RBFOX1: variants seen among roughly 807,000 people sequenced by gnomAD.
RBFOX1 encodes RNA binding protein fox-1 homolog 1.
In RBFOX1, 8 loss-of-function variants were observed where a neutral mutation model predicts 57.7. The ratio of observed to expected loss-of-function variants is 0.14; its 90% confidence interval spans 0.08 to 0.25. The LOEUF is 0.25. Ranked by LOEUF, RBFOX1 falls within the 10% of genes least tolerant of loss-of-function variation. The pLI is 1.00. For missense variants in RBFOX1, 611 were observed against 548.5 expected (o/e 1.11, Z -1.14); for synonymous variants, 326 against 222.4 (o/e 1.47, Z -4.15).
At chr16:7,089,144 G>A (rs1486275116) in intron 4 of RBFOX1, among the ~76,000 whole-genome samples, 1 of 152,108 alleles carries the variant, frequency 6.6e-6, no homozygotes, top group Admixed American at 6.5e-5. Flanking sequence ...ACCCGGTTTA[G>A]TTTTGCACAA....
At chr16:7,298,285 G>GTTTTTTTTTTTTTTTTTT (rs201092743) in intron 4 of RBFOX1, among the ~76,000 whole-genome samples, 22 of 96,582 alleles carry the variant, frequency 2.3e-4, no homozygotes, top group African/African-American at 5.6e-4. Flanking sequence ...GTTTTTTTTT[G>GTTTTTTTTTTTTTTTTTT]TTTTTTTTTT....
intron 3 of RBFOX1, among the ~76,000 whole-genome samples, chr16:6,941,646 T>G (rs907462515): frequency 1.1e-4 from 17 of 151,878 alleles, no homozygotes; most frequent in African/African-American, 4.1e-4. Context: ...ATTATAAGAA[T>G]GGGTTTATCT....
chr16:5,980,859 C>T (rs1030862976), intron 4 of RBFOX1, among the ~76,000 whole-genome samples: 3 of 147,494 alleles, frequency 2.0e-5, no homozygotes, highest in Non-Finnish European at 4.5e-5. Flanking sequence ...GCAACGCTGT[C>T]GTCCTGCCAT....
intron 4 of RBFOX1, among the ~76,000 whole-genome samples, chr16:5,888,764 T>C (rs955788530): frequency 1.5e-5 from 2 of 132,706 alleles, no homozygotes; most frequent in Non-Finnish European, 3.1e-5. Context: ...GCCACTGCAC[T>C]CCAATCTGGG....
chr16:5,729,986 T>C (rs2151557794), intron 3 of RBFOX1, among the ~76,000 whole-genome samples: 1 of 152,324 alleles, frequency 6.6e-6, no homozygotes, highest in Admixed American at 6.5e-5. Context: ...GCTTTGCCTC[T>C]GGTCCATGCC....
intron 3 of RBFOX1, among the ~76,000 whole-genome samples, chr16:6,786,550 A>G (rs1028002368): frequency 3.3e-5 from 5 of 152,304 alleles, no homozygotes; most frequent in Non-Finnish European, 5.9e-5. Context: ...TGGAAAGGAA[A>G]CAGTAAGCCA....
At chr16:7,370,955 C>G (rs932050846) in intron 4 of RBFOX1, among the ~76,000 whole-genome samples, 5 of 152,162 alleles carry the variant, frequency 3.3e-5, no homozygotes, top group Non-Finnish European at 7.3e-5. Context: ...ATGGTGACCC[C>G]AGAAGCAAAG....
intron 11 of RBFOX1, among the ~76,000 whole-genome samples, chr16:7,631,880 G>T (rs759542250): frequency 1.3e-5 from 2 of 152,178 alleles, no homozygotes; most frequent in African/African-American, 4.8e-5. Flanking sequence ...AGGGTCTGAA[G>T]TCTTCAGGAG....
At chr16:5,381,285 T>C (rs1318686401) in intron 1 of RBFOX1, among the ~76,000 whole-genome samples, 1 of 152,246 alleles carries the variant, frequency 6.6e-6, no homozygotes, top group African/African-American at 2.4e-5. Context: ...CGAGTCTGAA[T>C]TTTATCCTAG....
chr16:7,305,107 G>A (rs1458204762), intron 4 of RBFOX1, among the ~76,000 whole-genome samples: 4 of 151,648 alleles, frequency 2.6e-5, no homozygotes, highest in Non-Finnish European at 5.9e-5. Context: ...TTGTTGGCAT[G>A]TGTTAGGGTG....
chr16:5,342,535 A>G (rs2065054360), intron 1 of RBFOX1, among the ~76,000 whole-genome samples: 1 of 152,182 alleles, frequency 6.6e-6, no homozygotes, highest in Admixed American at 6.5e-5. Context: ...AAGTTCCTGC[A>G]ATGTAGAAAT....
At chr16:7,090,484 T>G (rs1227106425) in intron 4 of RBFOX1, among the ~76,000 whole-genome samples, 2 of 152,172 alleles carry the variant, frequency 1.3e-5, no homozygotes, top group Non-Finnish European at 2.9e-5. Flanking sequence ...ATCGTATCAA[T>G]TAAAAATAGT....
intron 1 of RBFOX1, among the ~76,000 whole-genome samples, chr16:5,307,179 G>C (rs2063960140): frequency 6.6e-6 from 1 of 152,170 alleles, no homozygotes; most frequent in Non-Finnish European, 1.5e-5. Context: ...GGGTCCCCAG[G>C]CTAGCCACTG....
chr16:7,000,116 A>G (rs770257181), intron 3 of RBFOX1, among the ~76,000 whole-genome samples: 52 of 151,858 alleles, frequency 3.4e-4, no homozygotes, highest in Non-Finnish European at 6.9e-4. Flanking sequence ...TCCAAACATC[A>G]TATTATTTTT....
chr16:5,982,422 C>A (rs1425597927), intron 4 of RBFOX1, among the ~76,000 whole-genome samples: 1 of 151,902 alleles, frequency 6.6e-6, no homozygotes, highest in African/African-American at 2.4e-5. Flanking sequence ...TTACAGGCAC[C>A]CACCACCACA....
chr16:5,934,391 A>G (rs1018529751), intron 4 of RBFOX1, among the ~76,000 whole-genome samples: 13 of 152,292 alleles, frequency 8.5e-5, no homozygotes, highest in South Asian at 8.3e-4. Flanking sequence ...TGGATTTTGC[A>G]TTTATGTAAA....
intron 4 of RBFOX1, among the ~76,000 whole-genome samples, chr16:5,999,326 C>G (rs574625931): frequency 3.3e-5 from 5 of 152,360 alleles, no homozygotes; most frequent in South Asian, 4.1e-4. Flanking sequence ...CTTTTTCTCT[C>G]AGCTCAGACA....
intron 1 of RBFOX1, among the ~76,000 whole-genome samples, chr16:6,193,714 A>G (rs527730760): frequency 6.6e-6 from 1 of 152,054 alleles, no homozygotes; most frequent in East Asian, 1.9e-4. Flanking sequence ...TTTTACCTTG[A>G]TTCTCACATT....
chr16:5,328,469 G>A (rs373212841), intron 1 of RBFOX1, among the ~76,000 whole-genome samples: 1 of 152,234 alleles, frequency 6.6e-6, no homozygotes, highest in Non-Finnish European at 1.5e-5. Context: ...GTGTGATTTT[G>A]TTATGCTTGC....
Sources: allele counts gnomAD v4.1 joint callset (sites outside exome capture counted in the v4.1 genomes callset), GRCh38; gene constraint gnomAD v4.1.1; transcripts MANE v1.5; gene names NCBI Gene and HGNC (gene_info 2026-07-23, HGNC 2026-07-21).